The following ABCC8 variants were observed in gnomAD, a reference collection of about 807,000 sequenced individuals.
The protein encoded by ABCC8 is ATP binding cassette subfamily C member 8, also known as ATP-binding cassette sub-family C member 8.
Under a neutral mutation model 188.0 loss-of-function variants are expected in ABCC8, and 137 were observed. That is an observed-to-expected ratio of 0.73 (90% CI 0.63 to 0.84). The LOEUF is 0.84. Among genes scored for constraint, ABCC8 ranks in the 40% least tolerant of loss-of-function variants. The pLI, the probability that ABCC8 is intolerant of heterozygous loss-of-function variation, is 0.00. For missense variants in ABCC8, 1,750 were observed against 2,072.7 expected (o/e 0.84, Z 3.02); for synonymous variants, 797 against 846.5 (o/e 0.94, Z 1.01).
At chr11:17,420,168 C>T (rs1955270253) in intron 16 of ABCC8, among the ~76,000 whole-genome samples, 1 of 152,208 alleles carries the variant, frequency 6.6e-6, no homozygotes, top group Admixed American at 6.5e-5. Context: ...CAGGGCTCCA[C>T]AGCCCATTCA....
At chr11:17,419,286 A>G (rs1955225389) in intron 16 of ABCC8, among the ~76,000 whole-genome samples, 1 of 152,234 alleles carries the variant, frequency 6.6e-6, no homozygotes, top group Admixed American at 6.5e-5. Flanking sequence ...AGCTGAAAGC[A>G]TGAGTCTTCC....
At chr11:17,423,161 A>G (rs1591785422) in intron 16 of ABCC8, among the ~76,000 whole-genome samples, 1 of 151,836 alleles carries the variant, frequency 6.6e-6, no homozygotes. Context: ...GTTCGAGATT[A>G]CCCTGGCCAA....
chr11:17,451,904 G>A (rs1179145962), intron 7 of ABCC8, among the ~76,000 whole-genome samples: 1 of 152,152 alleles, frequency 6.6e-6, no homozygotes, highest in African/African-American at 2.4e-5. Flanking sequence ...CCCTCCTCTT[G>A]TCCCTTCTTC....
intron 16 of ABCC8, among the ~76,000 whole-genome samples, chr11:17,423,343 C>T (rs1013056070): frequency 4.1e-4 from 49 of 119,682 alleles, no homozygotes; most frequent in African/African-American, 1.5e-3. Flanking sequence ...GGCAACAGGG[C>T]GAGACTCCGT....
Position 17,427,161 on chromosome 11 carries a change from G to C in ABCC8, c.2117-7C>G. Reference sequence around the variant, plus strand: ...ACGATCATAGTCAGCTGGCCTGCAGGGAGGGAGGGTGGCAGATGTGAGTGG... The same window carrying C: ...ACGATCATAGTCAGCTGGCCTGCAGCGAGGGAGGGTGGCAGATGTGAGTGG... On this transcript the variant is annotated splice_polypyrimidine_tract_variant and splice_region_variant and intron_variant, in intron 15 of 38. Coordinates refer to ENST00000389817, the MANE Select transcript of ABCC8 (RefSeq NM_000352.6). This position sits in a 1 kb window ranked among gnomAD's most constrained non-coding sequence, Gnocchi z 5.0. 6.2e-7 allele frequency: 1 copy of C among 1,609,276 alleles called. No homozygotes were observed.
chr11:17,475,023 C>A lies in ABCC8; in HGVS notation c.153G>T (p.Trp51Cys). ...TGTGCACCTTGGAGCTCTGACTTCC[C>A]CATCCTGCAGGGAGAGACAGTCAGA... ...FITFPILFIG[W>C]GSQSSKVHIH... is the part of the protein sequence containing the mutation. The change falls in exon 2 of 39, where the codon TGG (tryptophan) becomes TGT (cysteine). Residue 51 changes from tryptophan to cysteine, a missense_variant. By Grantham distance (215) the Trp-to-Cys change is radical. Transcript: ENST00000389817. 1 of 1,614,118 alleles carries A rather than the reference C, an allele frequency of 6.2e-7. No individual in the cohort carries two copies.
In ABCC8 at chr11:17,476,799, C is replaced by G. The variant is rs1303968278; in HGVS notation, c.-23G>C. ...CATGGCGGCGCGGGCGCGGGCTGGG[C>G]TCGGGCTCAGCTGGCTCCGCTGGCT... On this transcript the variant is annotated 5_prime_UTR_variant, in exon 1 of 39. Coordinates refer to ENST00000389817, the MANE Select transcript of ABCC8 (RefSeq NM_000352.6). The G allele has an allele frequency of 2.6e-6, 4 of 1,529,734 alleles. No individual in the cohort carries two copies. In the African/African-American group the frequency reaches 5.7e-5, roughly 22 times the overall value. 94.8% of individuals were successfully genotyped at this position (1,529,734 alleles called of 1,614,324 possible). A position where few individuals can be genotyped will look rare whatever the true frequency, so the allele number is the denominator to read the frequency against.
intron 19 of ABCC8, among the ~76,000 whole-genome samples, chr11:17,413,781 C>T (rs1038625600): frequency 5.3e-5 from 8 of 152,148 alleles, no homozygotes; most frequent in Admixed American, 3.3e-4. Flanking sequence ...AGCCGGAACC[C>T]GTGCTTGGGG....
chr11:17,442,996 G>A, intron 9 of ABCC8, 114 bp from the exon 10 acceptor site: 1 of 1,571,960 alleles, frequency 6.4e-7, no homozygotes, highest in African/African-American at 1.3e-5. Context: ...CTCACCGGGA[G>A]GCAGCCTCCT....
At chr11:17,424,641 G>A (rs1955503400) in intron 16 of ABCC8, among the ~76,000 whole-genome samples, 1 of 152,202 alleles carries the variant, frequency 6.6e-6, no homozygotes, top group African/African-American at 2.4e-5. Context: ...TCCATGCTGA[G>A]CAGGTCAAGG....
At position 17,428,327 on chromosome 11, in the gene ABCC8, G is replaced by A; in HGVS notation, c.2002C>T (p.Pro668Ser). The change falls in exon 14 of 39, where the codon CCC becomes TCC. Residue 668 changes from proline to serine, a missense_variant. By Grantham distance (74) the Pro-to-Ser change is moderately conservative (BLOSUM62 -1). Transcript: ENST00000389817. The stretch of plus-strand genomic sequence containing the variant: ...TTGTCAGCATCGCCATCTGCACTGG[G>A]GACCAGGCTCTGCAGTGGGCCGGTG... ...GLTGPLQSLVPSADGDADNCC... is the reference protein window; with the variant it reads ...GLTGPLQSLVSSADGDADNCC... The A allele has an allele frequency of 5.0e-6, 8 of 1,614,188 alleles. No individual in the cohort carries two copies. The highest frequency in any genetic ancestry group is 6.8e-6 in the Non-Finnish European group (8 of 1,180,034).
intron 29 of ABCC8, 135 bp from the exon 30 acceptor site, chr11:17,398,576 T>C: frequency 2.0e-6 from 3 of 1,516,154 alleles, no homozygotes; most frequent in Non-Finnish European, 1.8e-6. Context: ...TCATGTAAGC[T>C]ATCCCTCTCT....
intron 12 of ABCC8, 38 bp downstream of exon 12, chr11:17,430,776 C>T: frequency 6.2e-7 from 1 of 1,603,550 alleles, no homozygotes; most frequent in Middle Eastern, 1.7e-4. Flanking sequence ...GACACAGGAC[C>T]TGCCTGCCCA....
At chr11:17,455,016 C>T (rs1339454059) in intron 6 of ABCC8, among the ~76,000 whole-genome samples, 3 of 152,264 alleles carry the variant, frequency 2.0e-5, no homozygotes, top group Middle Eastern at 3.4e-3. Context: ...TCTGCAGAGA[C>T]GCAGCTCTGG....
chr11:17,405,897 G>A (rs910270672), intron 26 of ABCC8, among the ~76,000 whole-genome samples: 1 of 152,242 alleles, frequency 6.6e-6, no homozygotes, highest in African/African-American at 2.4e-5. Flanking sequence ...GGGCCCTGGG[G>A]ACAGCCTGCC....
At chr11:17,461,930 T>G in intron 4 of ABCC8, 105 bp from the exon 5 acceptor site, 1 of 1,548,038 alleles carries the variant, frequency 6.5e-7, no homozygotes, top group Non-Finnish European at 8.7e-7. Flanking sequence ...ACTTGATCTC[T>G]AACAGATGGG....
intron 6 of ABCC8, among the ~76,000 whole-genome samples, chr11:17,457,286 G>A (rs192380754): frequency 4.5e-4 from 69 of 152,078 alleles, no homozygotes; most frequent in South Asian, 1.7e-3. Context: ...ACACACACAC[G>A]CAGAAAAAGA....
At chr11:17,393,392 C>T (rs188771624) in intron 38 of ABCC8, among the ~76,000 whole-genome samples, 4 of 152,346 alleles carry the variant, frequency 2.6e-5, no homozygotes, top group Non-Finnish European at 5.9e-5. Flanking sequence ...ACAACCCCTC[C>T]CCCACTTCCT....
Position 17,407,321 on chromosome 11 carries a change from C to T in ABCC8, c.2920+33G>A, listed in dbSNP as rs754993726. 5 of 1,614,034 alleles carry T rather than the reference C, an allele frequency of 3.1e-6. No homozygotes were observed. The Admixed American group carries it at 5.0e-5, about 16-fold the overall frequency. ...TCTCTGTGGCTGATCAGACCTCAGGCCATAATTTCACTCCCAGTCCCATTG... is the reference window on the plus strand; with the variant it reads ...TCTCTGTGGCTGATCAGACCTCAGGTCATAATTTCACTCCCAGTCCCATTG... On this transcript the variant is annotated intron_variant, in intron 24 of 38. Coordinates refer to ENST00000389817, the MANE Select transcript of ABCC8 (RefSeq NM_000352.6).
Sources: gnomAD v4.1 joint callset for allele counts (sites outside exome capture counted in the v4.1 genomes callset) on GRCh38, gnomAD v4.1.1 for gene constraint, Gnocchi (gnomAD v3.1) non-coding constraint, MANE v1.5 for transcripts, NCBI Gene and HGNC (gene_info 2026-07-23, HGNC 2026-07-21) for gene names.